The following ABCC1 variants were observed in gnomAD, a reference collection of about 807,000 sequenced individuals.
ABCC1 encodes ATP binding cassette subfamily C member 1 (ABCC1 blood group).
In ABCC1, 83 loss-of-function variants were observed where a neutral mutation model predicts 172.9. The ratio of observed to expected loss-of-function variants is 0.48; its 90% CI spans 0.40 to 0.58. The LOEUF (loss-of-function observed/expected upper bound fraction) is 0.58, where lower values mean the gene tolerates loss of function less well. Among genes scored for constraint, ABCC1 ranks in the 20% least tolerant of loss-of-function variants. The probability of loss-of-function intolerance (pLI) is 0.00; values close to 1 mark genes in which losing one functional copy is unlikely to be tolerated. For synonymous variants in ABCC1, 937 were observed against 825.2 expected, an observed-to-expected ratio of 1.14 and a Z score of -2.32; for missense variants, 1,817 against 2,002.7, an observed-to-expected ratio of 0.91 and a Z score of 1.77.
At chr16:15,983,272 G>A (rs2046669283) in intron 1 of ABCC1, among the ~76,000 whole-genome samples, 1 of 152,260 alleles carries the variant, frequency 6.6e-6, no homozygotes, top group South Asian at 2.1e-4. Flanking sequence ...CAAAGGCCCT[G>A]AGTCATGAAG....
At chr16:16,117,409 A>G (rs2044939225) in intron 23 of ABCC1, among the ~76,000 whole-genome samples, 1 of 152,142 alleles carries the variant, frequency 6.6e-6, no homozygotes, top group African/African-American at 2.4e-5. Context: ...CCCATGACAC[A>G]TGGGGATTAA....
chr16:16,050,135 A>T (rs1481903063), intron 10 of ABCC1, among the ~76,000 whole-genome samples: 1 of 152,156 alleles, frequency 6.6e-6, no homozygotes, highest in Non-Finnish European at 1.5e-5. Context: ...GCAGGGCCTG[A>T]TGCATAATGG....
At chr16:16,131,158 C>T (rs866358585) in intron 26 of ABCC1, among the ~76,000 whole-genome samples, 4 of 152,032 alleles carry the variant, frequency 2.6e-5, no homozygotes, top group Middle Eastern at 3.2e-3. Context: ...ATCAGTTGTA[C>T]AATTATTTTA....
At chr16:15,994,671 G>A (rs566130808) in intron 1 of ABCC1, among the ~76,000 whole-genome samples, 2 of 152,166 alleles carry the variant, frequency 1.3e-5, no homozygotes, top group African/African-American at 4.8e-5. Flanking sequence ...CAAACAGTAC[G>A]AAAGATAATA....
intron 1 of ABCC1, among the ~76,000 whole-genome samples, chr16:16,000,013 C>A (rs1597094251): frequency 6.7e-6 from 1 of 150,306 alleles, no homozygotes; most frequent in East Asian, 2.0e-4. Flanking sequence ...TGCCACCATG[C>A]CTGGCTAATT....
intron 1 of ABCC1, among the ~76,000 whole-genome samples, chr16:15,951,524 C>T (rs2045872474): frequency 1.3e-5 from 2 of 151,960 alleles, no homozygotes; most frequent in Non-Finnish European, 2.9e-5. Context: ...GTACCCCATC[C>T]CCGTGTTTGA....
rs34325137 is a variant in ABCC1 at position 16,040,064 on chromosome 16, T to TGTATGTA, written c.809+3461_809+3462insGTATGTA. The stretch of plus-strand genomic sequence containing the variant: ...TGAGTTCTGTTGTTTGTTTGTTTGT[T>TGTATGTA]TGTATGTATGTATGTATGTATGTAT... On this transcript the variant is annotated intron_variant, in intron 7 of 30. Transcript: ENST00000399410. Among the ~76,000 whole-genome samples the TGTATGTA allele has an allele frequency of 4.5e-3, 606 of 134,870 alleles. 6 individuals are homozygous for TGTATGTA. Among genetic ancestry groups the TGTATGTA allele is most frequent in the East Asian group, 0.033 (158 of 4,790 alleles). 88.5% of individuals were successfully genotyped at this position (134,870 alleles called of 152,430 possible). A position where few individuals can be genotyped will look rare whatever the true frequency, so the allele number is the denominator to read the frequency against.
chr16:16,072,849 C>A lies in ABCC1; in HGVS notation c.1912+1120C>A, dbSNP rs1275135365. Among the ~76,000 whole-genome samples, 4 of 151,474 alleles carry A rather than the reference C, an allele frequency of 2.6e-5. No individual in the cohort carries two copies. In the East Asian group the frequency reaches 7.9e-4, roughly 30 times the overall value. On this transcript the variant is annotated intron_variant, in intron 14 of 30. Coordinates refer to ENST00000399410, the MANE Select transcript of ABCC1 (RefSeq NM_004996.4). ...TTGAGGTCAGGAGTTCGAGATCAGC[C>A]TGGCCAACAAGGTGAAACCCCGTCT...
intron 16 of ABCC1, among the ~76,000 whole-genome samples, chr16:16,080,798 T>TAAAG (rs2050776638): frequency 1.3e-5 from 2 of 152,210 alleles, no homozygotes; most frequent in Non-Finnish European, 2.9e-5. Flanking sequence ...CGCACCTCTT[T>TAAAG]AGTGTCTGTG....
intron 24 of ABCC1, among the ~76,000 whole-genome samples, chr16:16,124,337 GT>G (rs2045317705): frequency 8.1e-6 from 1 of 122,808 alleles, no homozygotes; most frequent in Non-Finnish European, 1.7e-5. Context: ...GTGTGTGTGT[GT>G]GTGTGTGTGT....
At chr16:16,114,036 G>A (rs1321560007) in intron 22 of ABCC1, among the ~76,000 whole-genome samples, 1 of 152,186 alleles carries the variant, frequency 6.6e-6, no homozygotes, top group Non-Finnish European at 1.5e-5. Context: ...GTTCCTAACC[G>A]GTCATGAGCT....
At chr16:16,125,057 C>A in intron 25 of ABCC1, 142 bp downstream of exon 25, 1 of 1,227,282 alleles carries the variant, frequency 8.1e-7, no homozygotes, top group Non-Finnish European at 1.1e-6. Context: ...TACAGTGCCA[C>A]AGTGCCTGGT....
In ABCC1 at chr16:16,026,465, C is replaced by CTTTT. The variant is rs1157942197; in HGVS notation, c.616-6624_616-6621dup. The stretch of plus-strand genomic sequence containing the variant: ...AAAAAAAAAAAAAAAAGGCTATTTC[C>CTTTT]TTTTTTTTTTTTTTTTTTTTTTTGC... On this transcript the variant is annotated intron_variant, in intron 5 of 30. Coordinates refer to ENST00000399410, the MANE Select transcript of ABCC1 (RefSeq NM_004996.4). 2.1e-4 allele frequency among the ~76,000 whole-genome samples: 20 copies of CTTTT among 95,480 alleles called. 1 individual carries two copies. The highest frequency in any genetic ancestry group is 2.4e-4 in the Non-Finnish European group (13 of 53,642). 62.6% of individuals were successfully genotyped at this position (95,480 alleles called of 152,430 possible).
chr16:16,090,342 C>T, intron 18 of ABCC1, 63 bp from the exon 19 acceptor site: 1 of 1,469,728 alleles, frequency 6.8e-7, no homozygotes, highest in Non-Finnish European at 9.0e-7. Flanking sequence ...AGTCTTCACT[C>T]TGCCAAGCTA....
intron 19 of ABCC1, 152 bp from the exon 20 acceptor site, chr16:16,102,475 T>C: frequency 1.5e-6 from 1 of 675,094 alleles, no homozygotes; most frequent in East Asian, 2.7e-5. Context: ...AGCCTGTTCA[T>C]GGCCTCTGCA....
At chr16:16,024,428 C>T (rs12917894) in intron 5 of ABCC1, among the ~76,000 whole-genome samples, 6 of 152,144 alleles carry the variant, frequency 3.9e-5, no homozygotes, top group South Asian at 2.1e-4. Context: ...CTCAGCTCAC[C>T]GTGCCCTCCA....
At chr16:15,984,373 G>C (rs1016792522) in intron 1 of ABCC1, among the ~76,000 whole-genome samples, 50 of 151,908 alleles carry the variant, frequency 3.3e-4, no homozygotes, top group African/African-American at 1.2e-3. Flanking sequence ...AGAAATTCCA[G>C]AGGGATAAAT....
chr16:16,021,619 A>G (rs901435807), intron 5 of ABCC1, among the ~76,000 whole-genome samples: 33 of 152,322 alleles, frequency 2.2e-4, no homozygotes, highest in African/African-American at 7.9e-4. Flanking sequence ...TAGGAGGCAG[A>G]GGCAGGAGAA....
chr16:16,066,190 C>CTT (rs71137908), intron 12 of ABCC1, among the ~76,000 whole-genome samples: 4 of 151,100 alleles, frequency 2.6e-5, no homozygotes, highest in Admixed American at 6.6e-5. Flanking sequence ...TGACTGTTTT[C>CTT]TTTTTTTTTG....
Sources: allele counts gnomAD v4.1 joint callset (sites outside exome capture counted in the v4.1 genomes callset), GRCh38; gene constraint gnomAD v4.1.1; transcripts MANE v1.5; gene names NCBI Gene and HGNC (gene_info 2026-07-23, HGNC 2026-07-21).